FSHR: variants seen among roughly 807,000 people sequenced by gnomAD.
FSHR encodes the protein follicle stimulating hormone receptor.
FSHR carries 46 observed loss-of-function variants against 52.1 expected under a neutral mutation model. The ratio of observed to expected loss-of-function variants is 0.88; its 90% CI spans 0.70 to 1.13. FSHR has a LOEUF of 1.13. FSHR is among the 50% of genes most tolerant of loss of function. The probability of loss-of-function intolerance (pLI) is 0.00; values close to 1 mark genes in which losing one functional copy is unlikely to be tolerated. For synonymous variants in FSHR, 399 were observed against 309.6 expected (o/e 1.29, Z -3.03); for missense variants, 964 against 834.6 (o/e 1.16, Z -1.91).
chr2:49,089,934 C>G (rs950285587), intron 1 of FSHR, among the ~76,000 whole-genome samples: 24 of 152,184 alleles, frequency 1.6e-4, no homozygotes, highest in African/African-American at 5.5e-4. Context: ...AGCAGGGACG[C>G]TGACCACTCG....
intron 1 of FSHR, among the ~76,000 whole-genome samples, chr2:49,118,149 C>T (rs1461930537): frequency 6.6e-6 from 1 of 152,020 alleles, no homozygotes; most frequent in Non-Finnish European, 1.5e-5. Context: ...GGTATCTATC[C>T]ACTCCAAGGT....
At chr2:49,061,379 A>T (rs983130979) in intron 2 of FSHR, among the ~76,000 whole-genome samples, 1 of 151,880 alleles carries the variant, frequency 6.6e-6, no homozygotes, top group Non-Finnish European at 1.5e-5. Context: ...GAGCAAAAGG[A>T]AATCAAAACT....
intron 2 of FSHR, among the ~76,000 whole-genome samples, chr2:49,037,481 A>C (rs1668308484): frequency 6.6e-6 from 1 of 152,236 alleles, no homozygotes; most frequent in Admixed American, 6.5e-5. Flanking sequence ...CACTTCAATA[A>C]GTGAGGATTT....
chr2:49,027,332 AGT>A (rs1667941960), intron 2 of FSHR, among the ~76,000 whole-genome samples: 1 of 152,192 alleles, frequency 6.6e-6, no homozygotes, highest in South Asian at 2.1e-4. Context: ...AAATGAATAA[AGT>A]GTACCAATTA....
Position 49,127,825 on chromosome 2 carries a change from TCTTC to T in FSHR, c.152+26437_152+26440del, listed in dbSNP as rs1672089826. ...TTCTTCTTCTTCTTCTTCTTCTTCT[TCTTC>T]CTCTTCTTCTTCTTCTTCTTCTTCT... On this transcript the variant is annotated intron_variant, in intron 1 of 9. Coordinates refer to ENST00000406846, the MANE Select transcript of FSHR (RefSeq NM_000145.4). Among the ~76,000 whole-genome samples, 6 of 64,230 alleles carry T rather than the reference TCTTC, an allele frequency of 9.3e-5. No homozygotes were observed. The Admixed American group carries it at 1.3e-3, about 14-fold the overall frequency. The allele number at this position is 64,230 out of a possible 152,430, so 42.1% of individuals were successfully genotyped here.
intron 4 of FSHR, among the ~76,000 whole-genome samples, chr2:49,002,294 GT>G (rs1666923684): frequency 6.6e-6 from 1 of 152,042 alleles, no homozygotes; most frequent in African/African-American, 2.4e-5. Flanking sequence ...CCCACACCCA[GT>G]TTCATCTTGC....
chr2:49,077,909 A>T (rs1263189567), intron 1 of FSHR, among the ~76,000 whole-genome samples: 1 of 152,166 alleles, frequency 6.6e-6, no homozygotes, highest in Non-Finnish European at 1.5e-5. Context: ...TGTTCATATC[A>T]CTATCAGCAT....
intron 2 of FSHR, among the ~76,000 whole-genome samples, chr2:49,048,259 T>A (rs990914194): frequency 3.2e-4 from 36 of 112,070 alleles, no homozygotes; most frequent in Non-Finnish European, 6.9e-4. Context: ...AAGTTGAGGA[T>A]GATAAAAAAA....
chr2:49,123,871 A>G (rs1253508828), intron 1 of FSHR, among the ~76,000 whole-genome samples: 2 of 152,176 alleles, frequency 1.3e-5, no homozygotes, highest in African/African-American at 2.4e-5. Context: ...TTCACTAGAC[A>G]TACTAGGGTA....
At chr2:49,145,184 G>A (rs575600286) in intron 1 of FSHR, among the ~76,000 whole-genome samples, 34 of 152,204 alleles carry the variant, frequency 2.2e-4, no homozygotes, top group African/African-American at 7.7e-4. Context: ...TGCAGCCTAC[G>A]TTTCCCTTTG....
rs1449405065 is a variant in FSHR, at chr2:49,071,469, A to G, written c.153-3179T>C. On this transcript the variant is annotated intron_variant, in intron 1 of 9. Transcript: ENST00000406846. Reference sequence around the variant, plus strand: ...GAGGATAAAATAAAATTACTTCTGAACAAATTTAATTAGCTATGAATAAAC... The same window carrying G: ...GAGGATAAAATAAAATTACTTCTGAGCAAATTTAATTAGCTATGAATAAAC... 2.0e-5 allele frequency among the ~76,000 whole-genome samples: 3 copies of G among 152,348 alleles called. No homozygotes were observed. In the East Asian group the frequency reaches 5.8e-4, roughly 29 times the overall value.
intron 1 of FSHR, among the ~76,000 whole-genome samples, chr2:49,111,797 T>TA (rs1671433064): frequency 6.6e-6 from 1 of 152,270 alleles, no homozygotes; most frequent in East Asian, 1.9e-4. Context: ...TCTTTATACT[T>TA]TCCTACTGAG....
At chr2:49,015,162 G>A (rs1220637444) in intron 4 of FSHR, among the ~76,000 whole-genome samples, 1 of 152,132 alleles carries the variant, frequency 6.6e-6, no homozygotes, top group Non-Finnish European at 1.5e-5. Flanking sequence ...TAATTAACCA[G>A]CTAGCTAATA....
chr2:49,119,530 C>CT (rs946967964), intron 1 of FSHR, among the ~76,000 whole-genome samples: 2 of 151,692 alleles, frequency 1.3e-5, no homozygotes, highest in East Asian at 1.9e-4. Context: ...TTTTTCTTTC[C>CT]TTTTTTGCAA....
At chr2:48,964,097 T>C in intron 9 of FSHR, 131 bp from the exon 10 acceptor site, 1 of 782,488 alleles carries the variant, frequency 1.3e-6, no homozygotes, top group Non-Finnish European at 2.1e-6. Flanking sequence ...ACATCATACC[T>C]GCCCTTGAGG....
At chr2:49,133,117 T>G (rs1431350331) in intron 1 of FSHR, among the ~76,000 whole-genome samples, 1 of 151,956 alleles carries the variant, frequency 6.6e-6, no homozygotes, top group East Asian at 1.9e-4. Flanking sequence ...CCCTAGCTCC[T>G]AACTATAGGA....
At chr2:49,013,759 G>T (rs1004028584) in intron 4 of FSHR, among the ~76,000 whole-genome samples, 20 of 151,568 alleles carry the variant, frequency 1.3e-4, no homozygotes, top group African/African-American at 4.6e-4. Context: ...TTATATAACT[G>T]CAATGAATTG....
intron 1 of FSHR, among the ~76,000 whole-genome samples, chr2:49,144,676 C>A (rs556479632): frequency 2.0e-5 from 3 of 152,082 alleles, no homozygotes; most frequent in Non-Finnish European, 4.4e-5. Context: ...ACTGCTTGCC[C>A]ACAAAACAAA....
intron 1 of FSHR, among the ~76,000 whole-genome samples, chr2:49,103,629 A>G (rs952899976): frequency 6.6e-5 from 10 of 152,086 alleles, no homozygotes; most frequent in Admixed American, 2.6e-4. Context: ...CGGCTGGCTC[A>G]TTGGTACAGT....
Sources: allele counts gnomAD v4.1 joint callset (sites outside exome capture counted in the v4.1 genomes callset), GRCh38; gene constraint gnomAD v4.1.1; transcripts MANE v1.5; gene names NCBI Gene and HGNC (gene_info 2026-07-23, HGNC 2026-07-21).